Variants in CCDC88C observed in about 807,000 individuals in gnomAD.
The protein encoded by CCDC88C is coiled-coil and HOOK domain protein 88C.
Under a neutral mutation model 198.8 loss-of-function variants are expected in CCDC88C, and 131 were observed. That is an observed-to-expected ratio of 0.66 (90% CI 0.57 to 0.76). CCDC88C has a LOEUF of 0.76. Among genes scored for constraint, CCDC88C ranks in the 30% least tolerant of loss-of-function variants. CCDC88C has a pLI of 0.00. For synonymous variants in CCDC88C, 1,166 were observed against 1,114.7 expected (o/e 1.05, Z -0.92); for missense variants, 2,553 against 2,631.6 (o/e 0.97, Z 0.65).
rs755708672 is a variant in CCDC88C, at chr14:91,315,666, G to C, written c.1649C>G (p.Ala550Gly). Residue 550 changes from alanine (A) to glycine (G), a missense_variant, in exon 14 of 30, where the codon GCT becomes GGT. By Grantham distance (60) the Ala-to-Gly change is moderately conservative. Around this residue, in one of 2 missense-constraint regions of CCDC88C, gnomAD observed 1,260 missense variants for 1,412.0 expected, o/e 0.89. Transcript: ENST00000389857. The part of the protein sequence containing the change: ...QLQSDMETLK[A>G]DKARQIKDLE... ...GGCACCTACCTGCCTGGCTTTGTCA[G>C]CCTTCAGGGTCTCCATGTCACTCTG... 4 of 1,613,948 alleles carry C rather than the reference G, an allele frequency of 2.5e-6. No homozygotes were observed. The South Asian group carries it at 4.4e-5, about 18-fold the overall frequency.
intron 10 of CCDC88C, among the ~76,000 whole-genome samples, chr14:91,326,561 T>C (rs1892593722): frequency 6.6e-6 from 1 of 151,806 alleles, no homozygotes; most frequent in South Asian, 2.1e-4. Context: ...TTCTCTGCTA[T>C]AAGAAAAAAA....
chr14:91,295,590 G>A (rs1465594586), intron 22 of CCDC88C, among the ~76,000 whole-genome samples: 1 of 152,206 alleles, frequency 6.6e-6, no homozygotes, highest in African/African-American at 2.4e-5. Flanking sequence ...TCCCAGTAAC[G>A]ATGGGGGAGC....
Position 91,371,323 on chromosome 14 carries a change from C to T in CCDC88C, c.271-11612G>A, listed in dbSNP as rs144409498. ...GTCAGTAGTTCTGCTGATGGATAAGCAAGAAAGGGGCAGAGAAAGTGTGGC... is the reference window on the plus strand; with the variant it reads ...GTCAGTAGTTCTGCTGATGGATAAGTAAGAAAGGGGCAGAGAAAGTGTGGC... On this transcript the variant is annotated intron_variant, in intron 3 of 29. Transcript: ENST00000389857. This position sits in a 1 kb window ranked among gnomAD's most constrained non-coding sequence, Gnocchi z 4.2. 6.6e-6 allele frequency among the ~76,000 whole-genome samples: 1 copy of T among 151,888 alleles called. No homozygotes were observed. The highest frequency in any genetic ancestry group is 1.5e-5 in the Non-Finnish European group (1 of 68,006).
chr14:91,298,352 G>A (rs1891110749), intron 21 of CCDC88C, among the ~76,000 whole-genome samples: 2 of 151,824 alleles, frequency 1.3e-5, no homozygotes, highest in Admixed American at 6.6e-5. Context: ...CCAGCCTGGT[G>A]ACAGAGCAAG....
intron 4 of CCDC88C, among the ~76,000 whole-genome samples, chr14:91,356,049 C>T (rs1894027169): frequency 6.6e-6 from 1 of 152,180 alleles, no homozygotes; most frequent in African/African-American, 2.4e-5. Context: ...AAAAAGCACA[C>T]ACATGCCCCA....
intron 3 of CCDC88C, among the ~76,000 whole-genome samples, chr14:91,389,395 C>T (rs1242329973): frequency 6.6e-6 from 1 of 152,200 alleles, no homozygotes; most frequent in Admixed American, 6.5e-5. Context: ...GTCAAGGTCA[C>T]TGACCCCAAA....
chr14:91,373,104 A>G (rs931579442), intron 3 of CCDC88C, among the ~76,000 whole-genome samples: 13 of 152,136 alleles, frequency 8.5e-5, no homozygotes, highest in African/African-American at 2.9e-4. Flanking sequence ...AGTGGGGTCC[A>G]TTCTAGAGAT....
chr14:91,332,779 G>A (rs1181144658), intron 10 of CCDC88C, among the ~76,000 whole-genome samples: 4 of 152,130 alleles, frequency 2.6e-5, no homozygotes. Context: ...CCCTCCTCCC[G>A]AGACTGCAAG....
intron 11 of CCDC88C, 38 bp from the exon 12 acceptor site, chr14:91,324,961 C>A (rs773704798): frequency 3.1e-6 from 5 of 1,611,196 alleles, no homozygotes; most frequent in Non-Finnish European, 4.2e-6. Flanking sequence ...TGAGGCTGCA[C>A]AGCTGGAGAT....
intron 2 of CCDC88C, among the ~76,000 whole-genome samples, chr14:91,409,643 A>G (rs1293949283): frequency 6.6e-6 from 1 of 151,122 alleles, no homozygotes; most frequent in African/African-American, 2.4e-5. Context: ...GCATGCCACC[A>G]CGCCCAGCTA....
At chr14:91,369,198 A>G (rs1892428447) in intron 3 of CCDC88C, among the ~76,000 whole-genome samples, 1 of 152,176 alleles carries the variant, frequency 6.6e-6, no homozygotes, top group Non-Finnish European at 1.5e-5. Flanking sequence ...CAAACCTTCA[A>G]TAACGACTCA....
intron 23 of CCDC88C, 134 bp downstream of exon 23, chr14:91,294,039 C>T (rs529311604): frequency 5.6e-6 from 5 of 894,874 alleles, no homozygotes; most frequent in Admixed American, 4.5e-5. Context: ...TGCTGGTGAT[C>T]GGTCTGTGCC....
intron 2 of CCDC88C, among the ~76,000 whole-genome samples, chr14:91,414,465 T>C (rs1886943640): frequency 6.6e-6 from 1 of 152,138 alleles, no homozygotes; most frequent in African/African-American, 2.4e-5. Context: ...TGCATAAAGT[T>C]ATAATTTGAG....
chr14:91,359,383 C>G (rs895135794), intron 4 of CCDC88C, among the ~76,000 whole-genome samples: 9 of 152,002 alleles, frequency 5.9e-5, no homozygotes, highest in African/African-American at 1.9e-4. Flanking sequence ...ATGATCCGGC[C>G]GCCTGGGCCT....
At chr14:91,377,172 G>C (rs1374671972) in intron 3 of CCDC88C, among the ~76,000 whole-genome samples, 1 of 152,186 alleles carries the variant, frequency 6.6e-6, no homozygotes, top group African/African-American at 2.4e-5. Context: ...AGGAGGAGGG[G>C]GTGGCAGTGG....
At chr14:91,396,487 C>A (rs1885853408) in intron 3 of CCDC88C, among the ~76,000 whole-genome samples, 2 of 152,180 alleles carry the variant, frequency 1.3e-5, no homozygotes, top group South Asian at 4.1e-4. Context: ...TCGATTCCCA[C>A]AACACTCATC....
chr14:91,348,179 T>C (rs1893633199), intron 4 of CCDC88C, among the ~76,000 whole-genome samples: 1 of 152,104 alleles, frequency 6.6e-6, no homozygotes, highest in Non-Finnish European at 1.5e-5. Context: ...CCAATTTTTG[T>C]ATTTTCATTA....
intron 17 of CCDC88C, among the ~76,000 whole-genome samples, 199 bp from the exon 18 acceptor site, chr14:91,307,425 C>G (rs1421703362): frequency 2.0e-5 from 3 of 152,172 alleles, no homozygotes; most frequent in Admixed American, 6.5e-5. Context: ...CCCTTCCCTT[C>G]CAGAGAGGAC....
At chr14:91,300,124 G>A in intron 20 of CCDC88C, 54 bp from the exon 21 acceptor site, 2 of 1,574,320 alleles carry the variant, frequency 1.3e-6, no homozygotes, top group South Asian at 1.2e-5. Context: ...TTTTCCGACA[G>A]GTAACTCACA....
Sources: gnomAD v4.1 joint callset for allele counts (sites outside exome capture counted in the v4.1 genomes callset) on GRCh38, gnomAD v4.1.1 for gene constraint, gnomAD v4.1.1 regional missense constraint, Gnocchi (gnomAD v3.1) non-coding constraint, MANE v1.5 for transcripts, NCBI Gene and HGNC (gene_info 2026-07-23, HGNC 2026-07-21) for gene names.